The following GPD2 variants were observed in gnomAD, a reference collection of about 807,000 sequenced individuals.
GPD2 encodes the protein glycerol-3-phosphate dehydrogenase 2, also known as glycerol-3-phosphate dehydrogenase, mitochondrial.
GPD2 carries 54 observed loss-of-function variants against 82.4 expected under a neutral mutation model. The observed-to-expected ratio is 0.66, with a 90% CI of 0.53 to 0.82. The LOEUF is 0.82. Ranked by LOEUF, GPD2 falls within the 40% of genes least tolerant of loss-of-function variation. The pLI is 0.00. For missense variants in GPD2, 748 were observed against 896.2 expected (o/e 0.83, Z 2.11); for synonymous variants, 288 against 306.1 (o/e 0.94, Z 0.62).
the GPD2 span, among the ~76,000 whole-genome samples, chr2:156,403,612 G>GGT: frequency 0.88 from 130,058 of 147,950 alleles, 58,391 homozygotes; most frequent in East Asian, 0.97. Flanking sequence ...GCATTCAAAG[G>GGT]GTGTGTGTGT....
chr2:156,497,772 T>C (rs1031735607), intron 3 of GPD2, among the ~76,000 whole-genome samples: 5 of 152,164 alleles, frequency 3.3e-5, no homozygotes, highest in Non-Finnish European at 7.4e-5. Context: ...AAGTTCAAAA[T>C]ACAGGCACAG....
chr2:156,420,918 A>C, the GPD2 span, among the ~76,000 whole-genome samples: 1 of 152,214 alleles, frequency 6.6e-6, no homozygotes, highest in African/African-American at 2.4e-5. Flanking sequence ...TGCTCCAAAA[A>C]ACAAATGGAT....
intron 16 of GPD2, among the ~76,000 whole-genome samples, chr2:156,581,159 TAG>T (rs1294474360): frequency 1.3e-5 from 2 of 152,146 alleles, no homozygotes; most frequent in Non-Finnish European, 2.9e-5. Flanking sequence ...GGTTTTCTTG[TAG>T]AGTTTTTTTT....
Position 156,512,230 on chromosome 2 carries a change from TA to T in GPD2, c.414del (p.Glu139LysfsTer10). On this transcript the variant is annotated frameshift_variant, in exon 5 of 17. Transcript: ENST00000438166. LOFTEE classifies it high-confidence loss of function. Reference sequence around the variant, plus strand: ...TGTTTTGCCTTTCAGTATAGGATGGTAAAAGAAGCCCTTCATGAGCGTGCCA... The same window carrying T: ...TGTTTTGCCTTTCAGTATAGGATGGTAAAGAAGCCCTTCATGAGCGTGCCA... ...MKLDIEQYRMVKEALHERANL... is the reference protein window; with the variant it reads ...MKLDIEQYRMXKEALHERANL... The T allele has an allele frequency of 6.4e-7, 1 of 1,568,956 alleles. No individual in the cohort carries two copies. Among genetic ancestry groups the T allele is most frequent in the Non-Finnish European group, 8.8e-7 (1 of 1,138,816 alleles).
intron 6 of GPD2, among the ~76,000 whole-genome samples, chr2:156,530,911 T>G (rs966615332): frequency 2.6e-5 from 4 of 152,146 alleles, no homozygotes; most frequent in African/African-American, 9.7e-5. Context: ...GGGCTGGACT[T>G]GAACTCCTGG....
At chr2:156,435,774 G>C (rs1012369791), upstream of GPD2, 1 of 152,388 alleles carries the variant, frequency 6.6e-6, no homozygotes, top group Non-Finnish European at 1.5e-5. Flanking sequence ...GGAGAAGCCA[G>C]ATCCCAGGGC....
Position 156,495,944 on chromosome 2 carries a change from T to C in GPD2, c.103-100T>C. 5 of 862,846 alleles carry C rather than the reference T, an allele frequency of 5.8e-6. No individual in the cohort carries two copies. In the East Asian group the frequency reaches 1.3e-4, roughly 23 times the overall value. The allele number at this position is 862,846 out of a possible 1,614,324, so 53.4% of individuals were successfully genotyped here. A position where few individuals can be genotyped will look rare whatever the true frequency, so the allele number is the denominator to read the frequency against. ...GACTGTGGACTCTCTTTAGCTCTTA[T>C]ATTCCTTATTTCTATTAGAAATTTC... On this transcript the variant is annotated intron_variant, in intron 2 of 16. Coordinates refer to ENST00000438166, the MANE Select transcript of GPD2 (RefSeq NM_000408.5).
intron 13 of GPD2, among the ~76,000 whole-genome samples, chr2:156,578,037 A>AAT (rs1158321832): frequency 6.6e-6 from 1 of 152,176 alleles, no homozygotes; most frequent in Non-Finnish European, 1.5e-5. Flanking sequence ...TGTGTAGCAT[A>AAT]ATATATATAT....
the GPD2 span, among the ~76,000 whole-genome samples, chr2:156,426,012 T>G: frequency 3.3e-5 from 5 of 149,470 alleles, no homozygotes; most frequent in Admixed American, 1.4e-4. Context: ...AAGCTCCGCC[T>G]CCCCGGTTCA....
chr2:156,541,642 A>G (rs1435318764), intron 6 of GPD2, among the ~76,000 whole-genome samples: 1 of 152,148 alleles, frequency 6.6e-6, no homozygotes, highest in African/African-American at 2.4e-5. Flanking sequence ...AGGTTTATCA[A>G]TGAATTTAGT....
chr2:156,516,606 C>T (rs573480606), intron 6 of GPD2, among the ~76,000 whole-genome samples: 1 of 152,260 alleles, frequency 6.6e-6, no homozygotes, highest in East Asian at 1.9e-4. Context: ...CTATACCTGG[C>T]TAGTTGTTTT....
At chr2:156,451,906 C>T (rs1295381749) in intron 1 of GPD2, among the ~76,000 whole-genome samples, 2 of 142,900 alleles carry the variant, frequency 1.4e-5, no homozygotes, top group East Asian at 2.2e-4. Flanking sequence ...CGCTCCTCAC[C>T]TCCCAGACGG....
intron 2 of GPD2, 103 bp from the exon 3 acceptor site, chr2:156,495,941 T>G (rs1490848882): frequency 1.2e-6 from 1 of 848,570 alleles, no homozygotes; most frequent in Non-Finnish European, 2.0e-6. Flanking sequence ...TCTTTAGCTC[T>G]TATATTCCTT....
chr2:156,493,437 G>A (rs890182130), intron 2 of GPD2, among the ~76,000 whole-genome samples: 1 of 152,064 alleles, frequency 6.6e-6, no homozygotes, highest in African/African-American at 2.4e-5. Flanking sequence ...TGTAAGAGGT[G>A]TTTATTATTG....
At chr2:156,402,455 A>G in the GPD2 span, among the ~76,000 whole-genome samples, 22 of 152,326 alleles carry the variant, frequency 1.4e-4, 1 homozygote, top group East Asian at 4.2e-3. Flanking sequence ...AACCTGTGGA[A>G]GAACAAGGTC....
intron 12 of GPD2, 138 bp downstream of exon 12, chr2:156,570,356 C>T: frequency 1.4e-6 from 1 of 696,724 alleles, no homozygotes; most frequent in Non-Finnish European, 2.5e-6. Context: ...TATGTCTTTC[C>T]AATATAGATC....
chr2:156,419,049 CTTTTTTTTTTTTT>C, the GPD2 span, among the ~76,000 whole-genome samples: 11 of 77,200 alleles, frequency 1.4e-4, no homozygotes, highest in Non-Finnish European at 2.9e-4. Flanking sequence ...TTCTTTCCTT[CTTTTTTTTTTTTT>C]TTTTTTTTTT....
At position 156,572,029 on chromosome 2, in the gene GPD2, A is replaced by C. The variant is rs373431115; in HGVS notation, c.1767+737A>C. Among the ~76,000 whole-genome samples the C allele has an allele frequency of 2.0e-4, 31 of 152,214 alleles. No homozygotes were observed. In the East Asian group the frequency reaches 2.5e-3, roughly 12 times the overall value. ...CCAGTAACCTCCATGTTACTCAATA[A>C]ATTTGTTAACTTGCAGTCCTTGTTT... On this transcript the variant is annotated intron_variant, in intron 13 of 16. Coordinates refer to ENST00000438166, the MANE Select transcript of GPD2 (RefSeq NM_000408.5).
chr2:156,404,853 C>T, the GPD2 span, among the ~76,000 whole-genome samples: 59 of 133,724 alleles, frequency 4.4e-4, no homozygotes, highest in African/African-American at 1.6e-3. Context: ...GACTCCGTCT[C>T]CAAAAAAAAA....
Sources: allele counts gnomAD v4.1 joint callset (sites outside exome capture counted in the v4.1 genomes callset), GRCh38; gene constraint gnomAD v4.1.1; transcripts MANE v1.5; gene names NCBI Gene and HGNC (gene_info 2026-07-23, HGNC 2026-07-21).